The following GABRA2 variants were observed in gnomAD, a reference collection of about 807,000 sequenced individuals.
GABRA2 encodes gamma-aminobutyric acid type A receptor subunit alpha2.
GABRA2 carries 16 observed loss-of-function variants against 48.7 expected under a neutral mutation model. The ratio of observed to expected loss-of-function variants is 0.33; its 90% confidence interval spans 0.22 to 0.50. GABRA2 has a LOEUF of 0.50. Among genes scored for constraint, GABRA2 ranks in the 20% least tolerant of loss-of-function variants. GABRA2 has a pLI of 0.98. For synonymous variants in GABRA2, 185 were observed against 184.5 expected, an observed-to-expected ratio of 1.00 and a Z score of -0.02; for missense variants, 275 against 535.6, an observed-to-expected ratio of 0.51 and a Z score of 4.80.
intron 4 of GABRA2, among the ~76,000 whole-genome samples, chr4:46,331,098 T>C (rs1731274125): frequency 1.3e-5 from 2 of 152,260 alleles, no homozygotes; most frequent in African/African-American, 4.8e-5. Flanking sequence ...AAATATACAA[T>C]AATGCCAGGG....
chr4:46,282,379 A>C (rs1721699948), intron 8 of GABRA2, among the ~76,000 whole-genome samples: 2 of 152,220 alleles, frequency 1.3e-5, no homozygotes, highest in South Asian at 4.1e-4. Context: ...CGGGAGACAT[A>C]TCTGAGATGG....
At chr4:46,272,394 A>C (rs775052872) in intron 8 of GABRA2, among the ~76,000 whole-genome samples, 2 of 151,988 alleles carry the variant, frequency 1.3e-5, no homozygotes, top group Non-Finnish European at 2.9e-5. Context: ...ATAAATATTT[A>C]TTTTTTAGGA....
intron 8 of GABRA2, among the ~76,000 whole-genome samples, chr4:46,271,535 T>C (rs1232779019): frequency 6.6e-6 from 1 of 152,002 alleles, no homozygotes; most frequent in Non-Finnish European, 1.5e-5. Context: ...AGAGCTGTAC[T>C]GCATCTGAAT....
chr4:46,334,425 T>C (rs1405111269), intron 3 of GABRA2, among the ~76,000 whole-genome samples: 2 of 152,284 alleles, frequency 1.3e-5, no homozygotes, highest in South Asian at 2.1e-4. Flanking sequence ...AATTAGTAAC[T>C]GAATAAAACT....
intron 3 of GABRA2, among the ~76,000 whole-genome samples, chr4:46,337,972 C>T (rs1340973805): frequency 6.6e-6 from 1 of 151,782 alleles, no homozygotes; most frequent in Non-Finnish European, 1.5e-5. Flanking sequence ...GCAAACTTTC[C>T]AAACAAAAAT....
chr4:46,259,925 T>G (rs1006234860), intron 9 of GABRA2, among the ~76,000 whole-genome samples: 2 of 151,994 alleles, frequency 1.3e-5, no homozygotes, highest in African/African-American at 4.8e-5. Context: ...CTTTTAGTTT[T>G]AAGGACATTT....
chr4:46,332,810 T>C, intron 3 of GABRA2, 128 bp from the exon 4 acceptor site: 2 of 560,324 alleles, frequency 3.6e-6, no homozygotes, highest in Non-Finnish European at 6.4e-6. Context: ...TTTACTTTCT[T>C]GTCAACTTTC....
At chr4:46,299,351 A>G (rs1467687246) in intron 8 of GABRA2, among the ~76,000 whole-genome samples, 2 of 151,610 alleles carry the variant, frequency 1.3e-5, no homozygotes, top group Non-Finnish European at 3.0e-5. Context: ...TTTCTGATGC[A>G]TGTTGTGTTT....
Position 46,249,853 on chromosome 4 carries a change from A to G in GABRA2, c.*455T>C, listed in dbSNP as rs1714381684. The G allele has an allele frequency of 6.2e-6, 1 of 160,074 alleles. No homozygotes were observed. Among genetic ancestry groups the G allele is most frequent in the Non-Finnish European group, 1.4e-5 (1 of 72,700 alleles). The allele number at this position is 160,074 out of a possible 1,614,324, so 9.9% of individuals were successfully genotyped here. ...ACATTAGCAGGGACTCTGAGCACTCATGAACAGAGCTGATGTCAGATACAA... is the reference window on the plus strand; with the variant it reads ...ACATTAGCAGGGACTCTGAGCACTCGTGAACAGAGCTGATGTCAGATACAA... On this transcript the variant is annotated 3_prime_UTR_variant, in exon 10 of 10. Coordinates refer to ENST00000381620, the MANE Select transcript of GABRA2 (RefSeq NM_000807.4).
chr4:46,254,733 A>C (rs1422678725), intron 9 of GABRA2, among the ~76,000 whole-genome samples: 1 of 151,552 alleles, frequency 6.6e-6, no homozygotes, highest in Admixed American at 6.6e-5. Context: ...AATGACTGAT[A>C]AAATATCTCT....
chr4:46,371,650 G>T (rs1714910745), intron 3 of GABRA2, among the ~76,000 whole-genome samples: 2 of 152,034 alleles, frequency 1.3e-5, no homozygotes, highest in Admixed American at 6.6e-5. Context: ...ACTGGATAGA[G>T]AAATTGCATT....
In GABRA2 at chr4:46,250,496, T is replaced by G. The variant is rs1378094337; in HGVS notation, c.1168A>C (p.Ser390Arg). Residue 390 changes from serine (S) to arginine (R), a missense_variant, in exon 10 of 10, where the codon AGT becomes CGT. This residue lies in a region of GABRA2 where 99 missense variants were observed against 124.3 expected (regional missense o/e 0.80). Coordinates refer to ENST00000381620, the MANE Select transcript of GABRA2 (RefSeq NM_000807.4). ...TTGTTGGGTTCTGGCGTGGTTGCAC[T>G]CTTGGAGATGGTGGAGAGAACTGGA... ...KDPVLSTISK[S>R]ATTPEPNKKP... The G allele has an allele frequency of 6.2e-7, 1 of 1,612,010 alleles. No individual in the cohort carries two copies. The highest frequency in any genetic ancestry group is 8.5e-7 in the Non-Finnish European group (1 of 1,178,644).
intron 8 of GABRA2, among the ~76,000 whole-genome samples, chr4:46,293,333 A>G (rs1724028949): frequency 6.6e-6 from 1 of 152,220 alleles, no homozygotes; most frequent in African/African-American, 2.4e-5. Context: ...CCGACAATTC[A>G]TGCCATTAAT....
At chr4:46,374,663 T>C (rs1021000568) in intron 3 of GABRA2, among the ~76,000 whole-genome samples, 2 of 152,076 alleles carry the variant, frequency 1.3e-5, no homozygotes, top group Non-Finnish European at 2.9e-5. Flanking sequence ...TTGCTAACCA[T>C]CTCCACCAAA....
intron 3 of GABRA2, chr4:46,363,778 A>G (rs1713598595): frequency 6.6e-6 from 1 of 152,176 alleles, no homozygotes; most frequent in African/African-American, 2.4e-5. Context: ...AACATTATGA[A>G]TGTACCAATA....
intron 2 of GABRA2, among the ~76,000 whole-genome samples, chr4:46,388,086 A>T (rs1717714784): frequency 6.6e-6 from 1 of 152,178 alleles, no homozygotes; most frequent in African/African-American, 2.4e-5. Context: ...TAATAATGCA[A>T]AAAGTCGATG....
chr4:46,271,619 TAACTC>T (rs1205253184), intron 8 of GABRA2, among the ~76,000 whole-genome samples: 4 of 152,074 alleles, frequency 2.6e-5, no homozygotes, highest in Admixed American at 2.6e-4. Flanking sequence ...TCAAAAACCT[TAACTC>T]AAACTCACAT....
At chr4:46,289,961 G>C (rs1297001404) in intron 8 of GABRA2, among the ~76,000 whole-genome samples, 1 of 148,756 alleles carries the variant, frequency 6.7e-6, no homozygotes, top group Non-Finnish European at 1.5e-5. Context: ...GCCCAGGCTG[G>C]AGTGCGGTGG....
At chr4:46,265,566 T>G (rs963270302) in intron 8 of GABRA2, among the ~76,000 whole-genome samples, 2 of 149,718 alleles carry the variant, frequency 1.3e-5, no homozygotes, top group African/African-American at 2.5e-5. Flanking sequence ...TTTGATTTTT[T>G]TCTCTTTTTT....
Sources: allele counts gnomAD v4.1 joint callset (sites outside exome capture counted in the v4.1 genomes callset), GRCh38; gene constraint gnomAD v4.1.1; regional missense constraint gnomAD v4.1.1; transcripts MANE v1.5; gene names NCBI Gene and HGNC (gene_info 2026-07-23, HGNC 2026-07-21).